Variants in FLVCR2 observed in about 807,000 individuals in gnomAD.
The protein encoded by FLVCR2 is choline/ethanolamine transporter FLVCR2.
FLVCR2 carries 38 observed loss-of-function variants against 48.9 expected under a neutral mutation model. The observed-to-expected ratio is 0.78, with a 90% CI of 0.60 to 1.02. The LOEUF is 1.02. FLVCR2 is among the 50% of genes least tolerant of loss of function. The pLI is 0.00. For synonymous variants in FLVCR2, 255 were observed against 257.0 expected, an observed-to-expected ratio of 0.99 and a Z score of 0.07; for missense variants, 664 against 663.3, an observed-to-expected ratio of 1.00 and a Z score of -0.01.
intron 8 of FLVCR2, 44 bp downstream of exon 8, chr14:75,641,337 T>C (rs755056791): frequency 3.0e-6 from 4 of 1,343,954 alleles, no homozygotes; most frequent in South Asian, 1.2e-5. Flanking sequence ...GGTTGGCCAT[T>C]TGGGACCCTA....
At chr14:75,624,995 C>T (rs1889862935) in intron 3 of FLVCR2, among the ~76,000 whole-genome samples, 1 of 150,768 alleles carries the variant, frequency 6.6e-6, no homozygotes, top group South Asian at 2.1e-4. Context: ...CAAGTCTCAT[C>T]TCAGTATCAC....
intron 1 of FLVCR2, among the ~76,000 whole-genome samples, chr14:75,621,356 C>T (rs558160094): frequency 6.7e-6 from 1 of 150,356 alleles, no homozygotes; most frequent in South Asian, 2.1e-4. Flanking sequence ...TGCAGTGAGC[C>T]GAGATTGCGC....
Position 75,646,598 on chromosome 14 carries a change from C to T in FLVCR2, c.*126C>T. 1 of 738,880 alleles carries T rather than the reference C, an allele frequency of 1.4e-6. No individual in the cohort carries two copies. Among genetic ancestry groups the T allele is most frequent in the Non-Finnish European group, 2.5e-6 (1 of 407,012 alleles). The allele number at this position is 738,880 out of a possible 1,614,324, so 45.8% of individuals were successfully genotyped here. A position where few individuals can be genotyped will look rare whatever the true frequency, so the allele number is the denominator to read the frequency against. The stretch of plus-strand genomic sequence containing the variant: ...AGGGAATCAGTGGGACTATTTGTGG[C>T]ATGGATGGCCTATTCCTCCTAGAAC... On this transcript the variant is annotated 3_prime_UTR_variant, in exon 10 of 10. Transcript: ENST00000238667.
At chr14:75,598,517 G>T (rs1889080544) in intron 1 of FLVCR2, among the ~76,000 whole-genome samples, 1 of 152,038 alleles carries the variant, frequency 6.6e-6, no homozygotes, top group Admixed American at 6.6e-5. Context: ...TTGCTCTGTT[G>T]CTCAGGCTGG....
chr14:75,636,953 C>A (rs1285080087), intron 5 of FLVCR2, among the ~76,000 whole-genome samples: 1 of 152,204 alleles, frequency 6.6e-6, no homozygotes, highest in Non-Finnish European at 1.5e-5. Flanking sequence ...ACGTTGCTTT[C>A]AGCAGAGTTG....
intron 5 of FLVCR2, among the ~76,000 whole-genome samples, chr14:75,639,087 A>G (rs1364864425): frequency 6.6e-6 from 1 of 152,132 alleles, no homozygotes; most frequent in Non-Finnish European, 1.5e-5. Context: ...TGATGCGCAC[A>G]ACTGTCCCAG....
intron 1 of FLVCR2, chr14:75,605,604 T>C (rs1300538712): frequency 2.0e-6 from 3 of 1,536,000 alleles, no homozygotes; most frequent in African/African-American, 2.7e-5. Context: ...CATCTGTGTT[T>C]GTAGAAGCGT....
intron 1 of FLVCR2, chr14:75,605,978 A>C (rs180824048): frequency 3.5e-6 from 1 of 285,096 alleles, no homozygotes; most frequent in Admixed American, 4.5e-5. Context: ...GTGTTCATCT[A>C]CTGGAAAACA....
intron 1 of FLVCR2, among the ~76,000 whole-genome samples, chr14:75,607,153 C>A (rs1461089886): frequency 1.3e-5 from 2 of 152,168 alleles, no homozygotes; most frequent in Non-Finnish European, 1.5e-5. Flanking sequence ...CCTCTTTGGG[C>A]ATCAGCTTTT....
chr14:75,592,310 G>C (rs549219516), intron 1 of FLVCR2, among the ~76,000 whole-genome samples: 4 of 152,036 alleles, frequency 2.6e-5, no homozygotes, highest in Non-Finnish European at 5.9e-5. Flanking sequence ...GGCCATGGCT[G>C]CTCTGGCCAG....
chr14:75,604,602 G>A (rs966006730), intron 1 of FLVCR2, among the ~76,000 whole-genome samples: 1 of 152,018 alleles, frequency 6.6e-6, no homozygotes, highest in East Asian at 1.9e-4. Flanking sequence ...GATGTTTTCA[G>A]TACCATCATC....
chr14:75,595,941 T>C, intron 1 of FLVCR2: 1 of 1,445,176 alleles, frequency 6.9e-7, no homozygotes, highest in Non-Finnish European at 9.7e-7. Context: ...TGCAAGTCTA[T>C]GTTTGGGTTC....
intron 8 of FLVCR2, among the ~76,000 whole-genome samples, chr14:75,641,620 C>T (rs1464653060): frequency 2.0e-5 from 3 of 152,142 alleles, no homozygotes; most frequent in Non-Finnish European, 4.4e-5. Context: ...GTCCCTGATC[C>T]ATAAGTGAAG....
At chr14:75,620,660 C>T (rs1038936065) in intron 1 of FLVCR2, among the ~76,000 whole-genome samples, 14 of 152,212 alleles carry the variant, frequency 9.2e-5, no homozygotes, top group African/African-American at 3.4e-4. Context: ...TCTAAAATAT[C>T]TAGCAGAGTA....
intron 1 of FLVCR2, among the ~76,000 whole-genome samples, chr14:75,600,810 G>T (rs1410206248): frequency 1.3e-5 from 2 of 151,884 alleles, no homozygotes; most frequent in Admixed American, 1.3e-4. Context: ...GAAAATATTT[G>T]CAAATCTTAT....
At chr14:75,611,385 G>C (rs746638056) in intron 1 of FLVCR2, among the ~76,000 whole-genome samples, 1 of 152,124 alleles carries the variant, frequency 6.6e-6, no homozygotes, top group African/African-American at 2.4e-5. Context: ...TCTCAGTTTT[G>C]CCAGGAGAAG....
chr14:75,589,048 AT>A (rs111820159), intron 1 of FLVCR2, among the ~76,000 whole-genome samples: 3,202 of 149,052 alleles, frequency 0.021, 122 homozygotes, highest in African/African-American at 0.072. Flanking sequence ...CCTGGACAAC[AT>A]TTTTTTTTTT....
chr14:75,630,797 A>G (rs969644431), intron 3 of FLVCR2, among the ~76,000 whole-genome samples: 1 of 152,196 alleles, frequency 6.6e-6, no homozygotes, highest in Non-Finnish European at 1.5e-5. Context: ...AGTAAGTGGC[A>G]CTACTCCCAG....
intron 3 of FLVCR2, among the ~76,000 whole-genome samples, chr14:75,628,122 A>T (rs1344176753): frequency 6.7e-6 from 1 of 149,692 alleles, no homozygotes; most frequent in African/African-American, 2.5e-5. Context: ...AACAAAAACA[A>T]TTTTTTTTTT....
Sources: gnomAD v4.1 joint callset for allele counts (sites outside exome capture counted in the v4.1 genomes callset) on GRCh38, gnomAD v4.1.1 for gene constraint, MANE v1.5 for transcripts, NCBI Gene and HGNC (gene_info 2026-07-23, HGNC 2026-07-21) for gene names.